PPP2R2B: variants seen among roughly 807,000 people sequenced by gnomAD.
The protein encoded by PPP2R2B is serine/threonine-protein phosphatase 2A 55 kDa regulatory subunit B beta isoform.
Under a neutral mutation model 46.0 loss-of-function variants are expected in PPP2R2B, and 5 were observed. That is an observed-to-expected ratio of 0.11 (90% CI 0.06 to 0.23). The LOEUF is 0.23. Among genes scored for constraint, PPP2R2B ranks in the 10% least tolerant of loss-of-function variants. The probability of loss-of-function intolerance (pLI) is 1.00; values close to 1 mark genes in which losing one functional copy is unlikely to be tolerated. For missense variants in PPP2R2B, 367 were observed against 575.0 expected (o/e 0.64, Z 3.70); for synonymous variants, 215 against 206.7 (o/e 1.04, Z -0.34).
intron 2 of PPP2R2B, among the ~76,000 whole-genome samples, chr5:147,069,930 A>G (rs2151910692): frequency 6.6e-6 from 1 of 151,292 alleles, no homozygotes. Flanking sequence ...AGCTGGGATT[A>G]CAGACGCCTG....
chr5:146,855,868 C>G, intron 2 of PPP2R2B, among the ~76,000 whole-genome samples: 1 of 152,184 alleles, frequency 6.6e-6, no homozygotes, highest in East Asian at 1.9e-4. Context: ...AGCCTTCATG[C>G]TACTTCATCC....
chr5:146,642,009 T>G (rs1775257370), intron 6 of PPP2R2B, among the ~76,000 whole-genome samples: 1 of 152,208 alleles, frequency 6.6e-6, no homozygotes, highest in African/African-American at 2.4e-5. Flanking sequence ...GCTTGACAGA[T>G]CTGTTCTTCT....
intron 1 of PPP2R2B, among the ~76,000 whole-genome samples, chr5:147,010,786 C>G (rs1215831698): frequency 6.6e-6 from 1 of 152,020 alleles, no homozygotes; most frequent in African/African-American, 2.4e-5. Flanking sequence ...GATCTAGACT[C>G]CTCTATGTGT....
chr5:146,864,738 G>C (rs1361672529), intron 2 of PPP2R2B, among the ~76,000 whole-genome samples: 3 of 152,172 alleles, frequency 2.0e-5, no homozygotes, highest in African/African-American at 7.2e-5. Context: ...CTGGAGCTTT[G>C]CGGGGTAGAA....
At chr5:146,604,928 T>C (rs1303220960) in intron 7 of PPP2R2B, among the ~76,000 whole-genome samples, 1 of 152,188 alleles carries the variant, frequency 6.6e-6, no homozygotes, top group Non-Finnish European at 1.5e-5. Flanking sequence ...ATACCTTGTA[T>C]AGTCCCACTT....
chr5:146,969,929 A>G (rs763734788), intron 1 of PPP2R2B, among the ~76,000 whole-genome samples: 3 of 152,190 alleles, frequency 2.0e-5, no homozygotes, highest in Non-Finnish European at 4.4e-5. Context: ...TTTATGTCTG[A>G]AGCTCAGGGC....
At chr5:146,902,550 G>A (rs1346745477) in intron 1 of PPP2R2B, among the ~76,000 whole-genome samples, 1 of 152,098 alleles carries the variant, frequency 6.6e-6, no homozygotes, top group African/African-American at 2.4e-5. Flanking sequence ...AAATCCTGAG[G>A]TCTGGCTCTA....
intron 2 of PPP2R2B, among the ~76,000 whole-genome samples, chr5:146,709,504 G>A (rs1020660528): frequency 6.6e-6 from 1 of 152,166 alleles, no homozygotes; most frequent in Admixed American, 6.5e-5. Flanking sequence ...TGGCCAATGA[G>A]GCATACAGGA....
At chr5:146,949,559 T>C (rs1764588826) in intron 1 of PPP2R2B, among the ~76,000 whole-genome samples, 1 of 152,100 alleles carries the variant, frequency 6.6e-6, no homozygotes, top group South Asian at 2.1e-4. Context: ...CCTCTTATGC[T>C]GTTGGTGGGG....
At chr5:146,608,562 C>T (rs978680760) in intron 7 of PPP2R2B, among the ~76,000 whole-genome samples, 5 of 151,984 alleles carry the variant, frequency 3.3e-5, no homozygotes, top group African/African-American at 7.3e-5. Context: ...TTTGGGAGGC[C>T]GAGGCAGGTA....
At chr5:146,632,198 G>A (rs1281701123) in intron 7 of PPP2R2B, among the ~76,000 whole-genome samples, 3 of 152,050 alleles carry the variant, frequency 2.0e-5, no homozygotes, top group African/African-American at 4.8e-5. Context: ...TAGGACTGGT[G>A]TCCTCATAAG....
intron 2 of PPP2R2B, among the ~76,000 whole-genome samples, chr5:146,794,245 C>A (rs572444206): frequency 6.6e-6 from 1 of 152,268 alleles, no homozygotes; most frequent in East Asian, 1.9e-4. Context: ...TTTTGTCAAT[C>A]ATAATCAATT....
At chr5:146,960,098 G>A (rs1397482684) in intron 1 of PPP2R2B, among the ~76,000 whole-genome samples, 1 of 152,130 alleles carries the variant, frequency 6.6e-6, no homozygotes, top group Non-Finnish European at 1.5e-5. Context: ...CATTGTTTCA[G>A]GACTTAATGA....
At chr5:146,623,041 A>G (rs190950185) in intron 7 of PPP2R2B, among the ~76,000 whole-genome samples, 1 of 152,330 alleles carries the variant, frequency 6.6e-6, no homozygotes, top group African/African-American at 2.4e-5. Flanking sequence ...AATAACTACA[A>G]TTTAGTATCC....
intron 2 of PPP2R2B, among the ~76,000 whole-genome samples, chr5:146,793,922 A>G (rs1471123970): frequency 6.6e-6 from 1 of 152,322 alleles, no homozygotes; most frequent in South Asian, 2.1e-4. Context: ...CACTTAGTCA[A>G]ATTCACTAGA....
chr5:146,904,695 G>C (rs565627031), intron 1 of PPP2R2B, among the ~76,000 whole-genome samples: 2 of 152,294 alleles, frequency 1.3e-5, no homozygotes, highest in South Asian at 4.1e-4. Context: ...ACTGCTAAAA[G>C]TAGCTTCATC....
upstream of PPP2R2B, among the ~76,000 whole-genome samples, chr5:147,060,742 G>A (rs1757233551): frequency 1.3e-5 from 2 of 152,230 alleles, no homozygotes; most frequent in African/African-American, 2.4e-5. Flanking sequence ...GAGCTGCTGT[G>A]AGGATCAAAT....
At chr5:146,707,477 C>A (rs1482384273) in intron 2 of PPP2R2B, 1 of 748,558 alleles carries the variant, frequency 1.3e-6, no homozygotes, top group African/African-American at 1.7e-5. Flanking sequence ...GCTGCTGCTG[C>A]CCACTCAGGA....
intron 7 of PPP2R2B, among the ~76,000 whole-genome samples, chr5:146,601,966 T>C (rs961320638): frequency 2.6e-5 from 4 of 152,196 alleles, no homozygotes; most frequent in Non-Finnish European, 5.9e-5. Context: ...ACAAACTGCC[T>C]CTAATTCTTT....
Sources: allele counts gnomAD v4.1 joint callset (sites outside exome capture counted in the v4.1 genomes callset), GRCh38; gene constraint gnomAD v4.1.1; transcripts MANE v1.5; gene names NCBI Gene and HGNC (gene_info 2026-07-23, HGNC 2026-07-21).